PWWP2A: variants seen among roughly 807,000 people sequenced by gnomAD.
PWWP2A encodes the protein PWWP domain-containing protein 2A.
In PWWP2A, 18 loss-of-function variants were observed where a neutral mutation model predicts 48.5. That is an observed-to-expected ratio of 0.37 (90% CI 0.26 to 0.55). The LOEUF is 0.55. PWWP2A is among the 20% of genes least tolerant of loss of function. The pLI, the probability that PWWP2A is intolerant of heterozygous loss-of-function variation, is 0.81. For synonymous variants in PWWP2A, 396 were observed against 387.7 expected (o/e 1.02, Z -0.25); for missense variants, 867 against 976.4 (o/e 0.89, Z 1.49).
downstream of PWWP2A, among the ~76,000 whole-genome samples, chr5:160,088,210 A>G (rs932491249): frequency 6.6e-6 from 1 of 152,088 alleles, no homozygotes; most frequent in African/African-American, 2.4e-5. Context: ...GAATTCCCTT[A>G]TGTCCGGCAT....
Position 160,092,575 on chromosome 5 carries a change from C to A in PWWP2A, c.2075G>T (p.Arg692Leu). 2 of 1,551,606 alleles carry A rather than the reference C, an allele frequency of 1.3e-6. No individual in the cohort carries two copies. The highest frequency in any genetic ancestry group is 1.7e-6 in the Non-Finnish European group (2 of 1,146,966). The change falls in exon 2 of 2, where the codon CGT becomes CTT. Residue 692 changes from arginine (R) to leucine (L), a missense_variant. Transcript: ENST00000307063. ...DNGLLVRQEA[R>L]ISWFGSPTTS... Reference sequence around the variant, plus strand: ...TGTTGGAGACCCAAACCATGAAATACGGGCCTCCTGTCGGACTAAAAGGCC... The same window carrying A: ...TGTTGGAGACCCAAACCATGAAATAAGGGCCTCCTGTCGGACTAAAAGGCC...
the PWWP2A span, among the ~76,000 whole-genome samples, chr5:160,056,345 GTCAC>G: frequency 6.6e-6 from 1 of 152,124 alleles, no homozygotes; most frequent in South Asian, 2.1e-4. Context: ...GATTCTTAAA[GTCAC>G]TCAGTTGTTC....
At chr5:160,108,503 A>C in intron 1 of PWWP2A, 1 of 1,005,458 alleles carries the variant, frequency 9.9e-7, no homozygotes, top group Non-Finnish European at 1.4e-6. Context: ...CTAAGTTCTC[A>C]ACCTGGACAC....
At chr5:160,108,273 T>G (rs930744527) in intron 1 of PWWP2A, among the ~76,000 whole-genome samples, 3 of 152,186 alleles carry the variant, frequency 2.0e-5, no homozygotes, top group Non-Finnish European at 4.4e-5. Context: ...AAAGATCATA[T>G]TAATGCAACA....
chr5:160,103,027 A>C (rs545010002), intron 1 of PWWP2A, among the ~76,000 whole-genome samples: 2 of 152,356 alleles, frequency 1.3e-5, no homozygotes, highest in Admixed American at 6.5e-5. Flanking sequence ...CTGTGGCTAT[A>C]GTTTTCCTTT....
At chr5:160,110,069 G>A (rs1393189376) in intron 1 of PWWP2A, among the ~76,000 whole-genome samples, 2 of 149,690 alleles carry the variant, frequency 1.3e-5, no homozygotes, top group African/African-American at 2.5e-5. Context: ...CACCCAGGTT[G>A]GAGTGCAATG....
Position 160,093,817 on chromosome 5 carries a change from A to T in PWWP2A, c.833T>A (p.Ile278Asn). The change falls in exon 2 of 2, where the codon ATC becomes AAC. Residue 278 changes from isoleucine (I) to asparagine (N), a missense_variant. Ile to Asn is a moderately radical substitution (Grantham distance 149, BLOSUM62 -3). Around this residue, in one of 4 missense-constraint regions of PWWP2A, gnomAD observed 385 missense variants for 396.9 expected, o/e 0.97. Transcript: ENST00000307063. The surrounding 1 kb of genome is among the most constrained non-coding windows in gnomAD (Gnocchi z 5.8). Reference sequence around the variant, plus strand: ...TATTGATTGGTTATATGTGTCCCTGATAAACAAAGGGGGAGGATAAGGTGC... The same window carrying T: ...TATTGATTGGTTATATGTGTCCCTGTTAAACAAAGGGGGAGGATAAGGTGC... ...EGAPYPPPLF[I>N]RDTYNQSIPQ... 2 of 1,614,026 alleles carry T rather than the reference A, an allele frequency of 1.2e-6. No individual in the cohort carries two copies. The highest frequency in any genetic ancestry group is 8.5e-7 in the Non-Finnish European group (1 of 1,179,900).
intron 3 of PWWP2A, among the ~76,000 whole-genome samples, chr5:160,079,919 A>G (rs60306137): frequency 0.013 from 1,945 of 152,328 alleles, 47 homozygotes; most frequent in African/African-American, 0.044. Flanking sequence ...ACAGTTCTTC[A>G]CTAGCTGTAC....
At chr5:160,058,973 ATGT>A (rs1757624750), downstream of PWWP2A, among the ~76,000 whole-genome samples, 5 of 152,152 alleles carry the variant, frequency 3.3e-5, no homozygotes, top group Admixed American at 1.3e-4. Context: ...CATCCAGGCT[ATGT>A]TGTTCCATTT....
chr5:160,053,438 C>T, the PWWP2A span, among the ~76,000 whole-genome samples: 1 of 152,006 alleles, frequency 6.6e-6, no homozygotes, highest in Non-Finnish European at 1.5e-5. Context: ...CTGGTGTGCA[C>T]CTGTAGTCCC....
downstream of PWWP2A, among the ~76,000 whole-genome samples, chr5:160,071,168 A>T (rs1174846281): frequency 6.6e-6 from 1 of 152,138 alleles, no homozygotes; most frequent in Non-Finnish European, 1.5e-5. Context: ...CAGCCTGGGA[A>T]TGAGACCCTG....
downstream of PWWP2A, among the ~76,000 whole-genome samples, chr5:160,059,507 G>A (rs1465965982): frequency 6.6e-6 from 1 of 152,200 alleles, no homozygotes; most frequent in Non-Finnish European, 1.5e-5. Flanking sequence ...TCTTATTCAT[G>A]TGTTCATTGA....
At chr5:160,068,643 C>T (rs1176118192) in intron 2 of PWWP2A, among the ~76,000 whole-genome samples, 2 of 152,126 alleles carry the variant, frequency 1.3e-5, no homozygotes, top group Non-Finnish European at 2.9e-5. Flanking sequence ...CCTGGAGACT[C>T]TGAGAAACAT....
intron 2 of PWWP2A, among the ~76,000 whole-genome samples, chr5:160,069,377 A>T (rs1378991302): frequency 1.3e-5 from 2 of 152,224 alleles, no homozygotes; most frequent in Non-Finnish European, 2.9e-5. Context: ...AATCAAGGTC[A>T]GTAACTTATC....
intron 1 of PWWP2A, among the ~76,000 whole-genome samples, chr5:160,110,146 G>A (rs886848652): frequency 2.7e-5 from 4 of 150,794 alleles, no homozygotes; most frequent in African/African-American, 9.8e-5. Context: ...TCAGCCTCCC[G>A]AGTAGCTGGG....
rs1758441665 is a variant in PWWP2A at position 160,119,024 on chromosome 5, T to C, written c.365A>G (p.Glu122Gly). ...GCGCTCCTCGGGAGCCGGGGGCTGC[T>C]CCGGCGGCGATGCAGGAGAAGGTGG... ...ELPPSPASPP[E>G]QPPAPEEREE... is the part of the protein sequence containing the mutation. Residue 122 changes from glutamate (E) to glycine (G), a missense_variant, in exon 1 of 2, where the codon GAG becomes GGG. Physicochemically the swap from Glu to Gly is moderately conservative, Grantham distance 98 (BLOSUM62 -2). Around this residue, in one of 4 missense-constraint regions of PWWP2A, gnomAD observed 385 missense variants for 396.9 expected, o/e 0.97. Coordinates refer to ENST00000307063, the MANE Select transcript of PWWP2A (RefSeq NM_001130864.2). 6.3e-7 allele frequency: 1 copy of C among 1,598,458 alleles called. No individual in the cohort carries two copies. Among genetic ancestry groups the C allele is most frequent in the Non-Finnish European group, 8.5e-7 (1 of 1,176,316 alleles).
rs1288745199 is a variant in PWWP2A at position 160,091,444 on chromosome 5, C to G, written c.*938G>C. On this transcript the variant is annotated 3_prime_UTR_variant, in exon 2 of 2. Transcript: ENST00000307063. ...ATTTTCTCATTTTCTGACCTGCAAA[C>G]AGATACCTTAAACGGAAATTATTTT... The G allele has an allele frequency of 5.2e-6, 5 of 970,636 alleles. No individual in the cohort carries two copies. Among genetic ancestry groups the G allele is most frequent in the Non-Finnish European group, 4.9e-6 (4 of 821,472 alleles). 60.1% of individuals were successfully genotyped at this position (970,636 alleles called of 1,614,324 possible). A position where few individuals can be genotyped will look rare whatever the true frequency, so the allele number is the denominator to read the frequency against.
chr5:160,107,555 C>T (rs368635396), intron 1 of PWWP2A, among the ~76,000 whole-genome samples: 4 of 151,230 alleles, frequency 2.6e-5, no homozygotes, highest in South Asian at 2.1e-4. Context: ...ATGAAATTAA[C>T]TCAGCCATTA....
chr5:160,076,699 C>T (rs1753902859), exon 4 of PWWP2A: 1 of 152,186 alleles, frequency 6.6e-6, no homozygotes, highest in African/African-American at 2.4e-5. Context: ...TGTTTTAAAA[C>T]TCACCCAGAA....
Sources: allele counts gnomAD v4.1 joint callset (sites outside exome capture counted in the v4.1 genomes callset), GRCh38; gene constraint gnomAD v4.1.1; regional missense constraint gnomAD v4.1.1; non-coding constraint Gnocchi (gnomAD v3.1); transcripts MANE v1.5; gene names NCBI Gene and HGNC (gene_info 2026-07-23, HGNC 2026-07-21).